NRXN3: variants seen among roughly 807,000 people sequenced by gnomAD.
NRXN3 encodes neurexin III.
In NRXN3, 32 loss-of-function variants were observed where a neutral mutation model predicts 137.6. That is an observed-to-expected ratio of 0.23 (90% CI 0.18 to 0.31). The LOEUF is 0.31. NRXN3 is among the 10% of genes least tolerant of loss of function. The probability of loss-of-function intolerance (pLI) is 1.00; values close to 1 mark genes in which losing one functional copy is unlikely to be tolerated. For missense variants in NRXN3, 1,574 were observed against 2,062.5 expected, an observed-to-expected ratio of 0.76 and a Z score of 4.59; for synonymous variants, 798 against 784.5, an observed-to-expected ratio of 1.02 and a Z score of -0.29.
intron 15 of NRXN3, among the ~76,000 whole-genome samples, chr14:79,234,318 A>ATAT (rs1404860666): frequency 8.4e-6 from 1 of 119,106 alleles, no homozygotes; most frequent in African/African-American, 3.3e-5. Context: ...ATATATATAT[A>ATAT]TATATATATA....
At chr14:79,614,347 A>C (rs992177417) in intron 16 of NRXN3, among the ~76,000 whole-genome samples, 1 of 151,930 alleles carries the variant, frequency 6.6e-6, no homozygotes, top group Non-Finnish European at 1.5e-5. Context: ...TTTTTAGCTC[A>C]AGGAAGAGAG....
chr14:78,914,978 C>CT, intron 10 of NRXN3, among the ~76,000 whole-genome samples: 1 of 152,098 alleles, frequency 6.6e-6, no homozygotes, highest in East Asian at 1.9e-4. Context: ...AATGGTACAA[C>CT]TTAGCAGAAT....
intron 4 of NRXN3, among the ~76,000 whole-genome samples, chr14:78,405,087 C>A (rs923141045): frequency 2.6e-5 from 4 of 152,166 alleles, no homozygotes; most frequent in African/African-American, 9.7e-5. Context: ...GTGACATGGA[C>A]TACAGATAAC....
chr14:78,753,092 C>T (rs2098650809), intron 8 of NRXN3, among the ~76,000 whole-genome samples: 1 of 152,142 alleles, frequency 6.6e-6, no homozygotes, highest in African/African-American at 2.4e-5. Flanking sequence ...CCACGTTACA[C>T]AGTCTGTAAG....
At chr14:79,776,824 T>C (rs2099098625) in intron 19 of NRXN3, among the ~76,000 whole-genome samples, 1 of 152,212 alleles carries the variant, frequency 6.6e-6, no homozygotes, top group Non-Finnish European at 1.5e-5. Context: ...CACTTTGTAC[T>C]CCAGCAGTGA....
chr14:79,026,157 T>G (rs1287139910), intron 15 of NRXN3, among the ~76,000 whole-genome samples: 4 of 152,178 alleles, frequency 2.6e-5, no homozygotes, highest in Non-Finnish European at 2.9e-5. Context: ...AATAAGCCTA[T>G]AGTATAAGGC....
At chr14:78,623,238 G>C (rs1387268662) in intron 4 of NRXN3, among the ~76,000 whole-genome samples, 1 of 152,162 alleles carries the variant, frequency 6.6e-6, no homozygotes, top group East Asian at 1.9e-4. Flanking sequence ...GATTTCATGA[G>C]AGTTTAGAGT....
chr14:79,704,087 G>T (rs192873925), intron 19 of NRXN3, among the ~76,000 whole-genome samples: 25 of 152,196 alleles, frequency 1.6e-4, no homozygotes, highest in Admixed American at 5.2e-4. Context: ...AGATTGCTAC[G>T]GCAGGCTCTT....
rs1047560442 is a variant in NRXN3 at position 78,949,363 on chromosome 14, A to C, written c.2276-7879A>C. 2.0e-5 allele frequency among the ~76,000 whole-genome samples: 3 copies of C among 152,124 alleles called. No individual in the cohort carries two copies. The East Asian group carries it at 5.8e-4, about 29-fold the overall frequency. ...ATGGAATGCTTTCCTGAATCGGTTC[A>C]ATCTGTCCTATTGCTAAAATACAGT... On this transcript the variant is annotated intron_variant, in intron 10 of 20. Coordinates refer to ENST00000335750, the MANE Select transcript of NRXN3 (RefSeq NM_001330195.2).
chr14:79,768,797 A>G (rs1459289899), intron 19 of NRXN3, among the ~76,000 whole-genome samples: 1 of 152,250 alleles, frequency 6.6e-6, no homozygotes, highest in Non-Finnish European at 1.5e-5. Context: ...AGCTGAGAGA[A>G]GAAAGCTTCA....
At chr14:79,677,280 A>T (rs2098645918) in intron 17 of NRXN3, among the ~76,000 whole-genome samples, 1 of 152,082 alleles carries the variant, frequency 6.6e-6, no homozygotes, top group Non-Finnish European at 1.5e-5. Flanking sequence ...TCCTTGACAG[A>T]AAAATACATA....
chr14:78,179,513 G>A (rs2059586642), intron 1 of NRXN3, among the ~76,000 whole-genome samples: 1 of 152,194 alleles, frequency 6.6e-6, no homozygotes, highest in South Asian at 2.1e-4. Context: ...CAAATGGGGA[G>A]CGGTTGAGAG....
intron 16 of NRXN3, among the ~76,000 whole-genome samples, chr14:79,501,464 T>C (rs1256150344): frequency 6.6e-6 from 1 of 152,182 alleles, no homozygotes; most frequent in African/African-American, 2.4e-5. Flanking sequence ...AATCATTCAC[T>C]TGATGAAGCT....
intron 15 of NRXN3, among the ~76,000 whole-genome samples, chr14:79,061,604 T>C (rs980071145): frequency 1.3e-5 from 2 of 152,154 alleles, no homozygotes; most frequent in Non-Finnish European, 2.9e-5. Flanking sequence ...AGCACTGCAG[T>C]GGAATGCTGT....
intron 4 of NRXN3, among the ~76,000 whole-genome samples, chr14:78,489,786 G>A (rs1247909212): frequency 1.3e-5 from 2 of 152,064 alleles, no homozygotes; most frequent in Admixed American, 1.3e-4. Context: ...GGGCGGGGTG[G>A]GAGGCTACAT....
intron 15 of NRXN3, among the ~76,000 whole-genome samples, chr14:79,154,728 G>A (rs918602043): frequency 3.4e-4 from 51 of 151,796 alleles, no homozygotes; most frequent in African/African-American, 1.2e-3. Context: ...AGCAATTCAG[G>A]CACAAGCTGT....
chr14:79,282,553 CTTTA>C (rs1354140955), intron 15 of NRXN3, among the ~76,000 whole-genome samples: 12 of 152,104 alleles, frequency 7.9e-5, no homozygotes, highest in African/African-American at 2.9e-4. Context: ...AAACATGACC[CTTTA>C]TTTAGTTTAT....
chr14:79,001,877 C>CAG (rs1282733833), intron 15 of NRXN3, among the ~76,000 whole-genome samples: 1 of 152,142 alleles, frequency 6.6e-6, no homozygotes, highest in Admixed American at 6.6e-5. Flanking sequence ...GGGGGCAAAG[C>CAG]AGAGTATTGG....
intron 15 of NRXN3, among the ~76,000 whole-genome samples, chr14:79,043,095 G>C (rs1345581088): frequency 6.6e-6 from 1 of 152,090 alleles, no homozygotes; most frequent in Non-Finnish European, 1.5e-5. Flanking sequence ...AAATCAAGCA[G>C]CCAGACAATG....
Sources: gnomAD v4.1 joint callset for allele counts (sites outside exome capture counted in the v4.1 genomes callset) on GRCh38, gnomAD v4.1.1 for gene constraint, MANE v1.5 for transcripts, NCBI Gene and HGNC (gene_info 2026-07-23, HGNC 2026-07-21) for gene names.